TCF12: variants seen among roughly 807,000 people sequenced by gnomAD.
TCF12 encodes the protein transcription factor 12.
TCF12 carries 45 observed loss-of-function variants against 86.0 expected under a neutral mutation model. The ratio of observed to expected loss-of-function variants is 0.52; its 90% CI spans 0.41 to 0.67. The LOEUF is 0.67. TCF12 is among the 30% of genes least tolerant of loss of function. TCF12 has a pLI of 0.00. For missense variants in TCF12, 881 were observed against 859.9 expected (o/e 1.02, Z -0.31); for synonymous variants, 330 against 299.6 (o/e 1.10, Z -1.05).
At chr15:57,089,412 G>T (rs1468454217) in intron 4 of TCF12, among the ~76,000 whole-genome samples, 1 of 152,106 alleles carries the variant, frequency 6.6e-6, no homozygotes, top group Non-Finnish European at 1.5e-5. Flanking sequence ...CTGGTGCACT[G>T]TGAAAATCCC....
chr15:57,219,979 G>A (rs1363375626), intron 8 of TCF12, among the ~76,000 whole-genome samples: 3 of 152,066 alleles, frequency 2.0e-5, no homozygotes, highest in Non-Finnish European at 4.4e-5. Flanking sequence ...ACCCGCCTCG[G>A]CCTCCCAAAA....
intron 1 of TCF12, 153 bp from the exon 2 acceptor site, chr15:56,919,739 C>T (rs1397363907): frequency 4.9e-6 from 3 of 617,592 alleles, no homozygotes; most frequent in Non-Finnish European, 5.4e-6. Context: ...CCTCCCGCCC[C>T]TTGCTCGCGC....
intron 6 of TCF12, among the ~76,000 whole-genome samples, chr15:57,172,446 C>T (rs2055581463): frequency 6.6e-6 from 1 of 152,188 alleles, no homozygotes; most frequent in African/African-American, 2.4e-5. Flanking sequence ...AAATTCCTTT[C>T]AGGGGCACAC....
intron 4 of TCF12, among the ~76,000 whole-genome samples, chr15:57,076,638 C>CAAA (rs201622891): frequency 4.5e-4 from 53 of 118,846 alleles, no homozygotes; most frequent in Admixed American, 1.5e-3. Flanking sequence ...GGCTCTGTCT[C>CAAA]AAAAAAAAAA....
chr15:57,035,296 C>T (rs1439882958), intron 3 of TCF12, among the ~76,000 whole-genome samples: 4 of 152,174 alleles, frequency 2.6e-5, no homozygotes, highest in African/African-American at 9.7e-5. Flanking sequence ...TAGTGTCTTG[C>T]TCTGTCACCC....
intron 5 of TCF12, among the ~76,000 whole-genome samples, chr15:57,101,789 A>G (rs1374888377): frequency 6.6e-6 from 1 of 152,188 alleles, no homozygotes; most frequent in Admixed American, 6.5e-5. Context: ...CACACTTTCA[A>G]AGTTCCATGA....
At chr15:57,150,942 C>A (rs1484315813) in intron 5 of TCF12, among the ~76,000 whole-genome samples, 1 of 139,714 alleles carries the variant, frequency 7.2e-6, no homozygotes, top group Non-Finnish European at 1.5e-5. Flanking sequence ...TTCCTTCTTC[C>A]CTTCCCCTCC....
chr15:57,176,545 G>T (rs2055925173), intron 6 of TCF12, among the ~76,000 whole-genome samples: 1 of 152,180 alleles, frequency 6.6e-6, no homozygotes, highest in South Asian at 2.1e-4. Context: ...TACTCAAGTG[G>T]TGATATTGTT....
chr15:57,267,220 G>A (rs564263869), intron 18 of TCF12, among the ~76,000 whole-genome samples: 1 of 152,270 alleles, frequency 6.6e-6, no homozygotes, highest in African/African-American at 2.4e-5. Context: ...GAAGCAGAAT[G>A]TTCCTTTCTG....
rs191075087 is a variant in TCF12, at chr15:57,019,417, G to A, written c.149-44333G>A. On this transcript the variant is annotated intron_variant, in intron 3 of 20. Coordinates refer to ENST00000333725, the MANE Select transcript of TCF12 (RefSeq NM_207037.2). Reference sequence around the variant, plus strand: ...TATTGCAGTAAAGAAAGAGTTTAATGCAGGGCTGGCCAAACAGAAGGACAA... The same window carrying A: ...TATTGCAGTAAAGAAAGAGTTTAATACAGGGCTGGCCAAACAGAAGGACAA... Among the ~76,000 whole-genome samples the A allele has an allele frequency of 3.0e-4, 46 of 152,240 alleles. 1 individual carries two copies. In the East Asian group the frequency reaches 5.2e-3, roughly 17 times the overall value.
chr15:57,069,370 T>G (rs1285371553), intron 4 of TCF12, among the ~76,000 whole-genome samples: 1 of 152,162 alleles, frequency 6.6e-6, no homozygotes, highest in Non-Finnish European at 1.5e-5. Context: ...GAAGCAATAT[T>G]AAGTTGAGTA....
intron 3 of TCF12, among the ~76,000 whole-genome samples, chr15:57,057,270 A>C (rs1481948031): frequency 6.6e-6 from 1 of 152,112 alleles, no homozygotes; most frequent in Non-Finnish European, 1.5e-5. Context: ...TTGGGATTCT[A>C]TCCTCACTTT....
chr15:57,207,575 G>T (rs766199571), intron 8 of TCF12, among the ~76,000 whole-genome samples: 4 of 152,088 alleles, frequency 2.6e-5, no homozygotes, highest in Non-Finnish European at 5.9e-5. Context: ...GGAGGCTGAG[G>T]CAGGAGAATC....
chr15:57,042,334 C>CA (rs1344035402), intron 3 of TCF12, among the ~76,000 whole-genome samples: 2 of 152,066 alleles, frequency 1.3e-5, no homozygotes, highest in Non-Finnish European at 2.9e-5. Flanking sequence ...GGATCGAAAA[C>CA]AGAGTGTTCT....
rs368662307 is a variant in TCF12 at position 57,273,050 on chromosome 15, A to G, written c.1766A>G (p.Asp589Gly). Residue 589 changes from aspartate to glycine, a missense_variant, in exon 19 of 21, where the codon GAT (aspartate) becomes GGT (glycine). Coordinates refer to ENST00000333725, the MANE Select transcript of TCF12 (RefSeq NM_207037.2). ...TCTAGCAGTACTAATGAAGATGAGG[A>G]TTTGAACCCTGAACAGAAGATAGAA... ...GRTSSTNEDE[D>G]LNPEQKIERE... 2 of 1,614,056 alleles carry G rather than the reference A, an allele frequency of 1.2e-6. No homozygotes were observed. Among genetic ancestry groups the G allele is most frequent in the East Asian group, 2.2e-5 (1 of 44,892 alleles).
chr15:56,934,966 TTG>T (rs1463924621), intron 3 of TCF12, among the ~76,000 whole-genome samples: 1 of 152,216 alleles, frequency 6.6e-6, no homozygotes, highest in Non-Finnish European at 1.5e-5. Context: ...GCTTCTCTCT[TTG>T]TAATAATTCC....
chr15:57,266,086 ATTATTTATTTATTTATTTATTTAT>A (rs60211131), intron 18 of TCF12, among the ~76,000 whole-genome samples: 1 of 110,190 alleles, frequency 9.1e-6, no homozygotes, highest in Non-Finnish European at 1.8e-5. Context: ...TTTTGTTTTT[ATTATTTATTTATTTATTTATTTAT>A]TTATTTATTT....
intron 5 of TCF12, among the ~76,000 whole-genome samples, chr15:57,161,211 T>C (rs2054484239): frequency 6.6e-6 from 1 of 152,240 alleles, no homozygotes; most frequent in South Asian, 2.1e-4. Flanking sequence ...CATTAGTTTG[T>C]ATTTCTGTAA....
chr15:56,992,369 T>G (rs1227211994), intron 3 of TCF12, among the ~76,000 whole-genome samples: 2 of 152,250 alleles, frequency 1.3e-5, no homozygotes, highest in African/African-American at 4.8e-5. Flanking sequence ...AATTTTTTGT[T>G]GTTGTTGTTA....
Sources: gnomAD v4.1 joint callset for allele counts (sites outside exome capture counted in the v4.1 genomes callset) on GRCh38, gnomAD v4.1.1 for gene constraint, MANE v1.5 for transcripts, NCBI Gene and HGNC (gene_info 2026-07-23, HGNC 2026-07-21) for gene names.